CEP57: variants seen among roughly 807,000 people sequenced by gnomAD.
CEP57 encodes centrosomal protein of 57 kDa.
A neutral mutation model predicts 68.0 loss-of-function variants in CEP57; 40 were observed. The observed-to-expected ratio is 0.59, with a 90% CI of 0.46 to 0.77. CEP57 has a LOEUF of 0.77. Ranked by LOEUF, CEP57 falls within the 30% of genes least tolerant of loss-of-function variation. The pLI is 0.00. For synonymous variants in CEP57, 219 were observed against 198.7 expected (o/e 1.10, Z -0.86); for missense variants, 606 against 580.7 (o/e 1.04, Z -0.45).
Position 95,817,819 on chromosome 11 carries a change from AAC to A in CEP57, c.541_542del (p.His181CysfsTer6). ...SLERERQHDQTHVQSQLEKLD... is the reference protein window; with the variant it reads ...SLERERQHDQXHVQSQLEKLD... ...TAGAAAGAGAACGACAACATGATCA[AAC>A]ACATGTTCAGAGCCAACTTGAAAAA... On this transcript the variant is annotated frameshift_variant, in exon 5 of 11. Transcript: ENST00000325542. LOFTEE classifies it high-confidence loss of function. The A allele has an allele frequency of 6.2e-7, 1 of 1,613,822 alleles. No homozygotes were observed. Among genetic ancestry groups the A allele is most frequent in the Non-Finnish European group, 8.5e-7 (1 of 1,179,748 alleles).
At chr11:95,798,958 A>G (rs1861459558) in intron 1 of CEP57, among the ~76,000 whole-genome samples, 1 of 152,208 alleles carries the variant, frequency 6.6e-6, no homozygotes, top group South Asian at 2.1e-4. Context: ...CGGTATTTAC[A>G]TTCATTGTAT....
chr11:95,821,808 T>C, intron 6 of CEP57, 63 bp from the exon 7 acceptor site: 1 of 1,125,472 alleles, frequency 8.9e-7, no homozygotes, highest in Non-Finnish European at 1.3e-6. Flanking sequence ...ACATGACACA[T>C]CTGAAATCTG....
chr11:95,816,022 T>A (rs763348506), intron 4 of CEP57, among the ~76,000 whole-genome samples: 17 of 152,256 alleles, frequency 1.1e-4, no homozygotes, highest in Non-Finnish European at 2.2e-4. Context: ...GCTTTCAAAA[T>A]TGCTGTGTAA....
chr11:95,795,669 A>T (rs1215346612), intron 1 of CEP57: 1 of 444,560 alleles, frequency 2.2e-6, no homozygotes, highest in Non-Finnish European at 4.0e-6. Context: ...ATAAGGAAGT[A>T]AGTTTTTTAA....
At chr11:95,793,455 T>G (rs1861192325) in intron 1 of CEP57, among the ~76,000 whole-genome samples, 1 of 152,228 alleles carries the variant, frequency 6.6e-6, no homozygotes, top group South Asian at 2.1e-4. Flanking sequence ...CCATATTAAT[T>G]TCCCTTAAAA....
chr11:95,828,486 G>A (rs555641819), intron 9 of CEP57, among the ~76,000 whole-genome samples: 87 of 150,602 alleles, frequency 5.8e-4, no homozygotes, highest in African/African-American at 2.1e-3. Flanking sequence ...TAAACATCTA[G>A]GTAGAGTAAA....
chr11:95,825,522 G>A lies in CEP57; in HGVS notation c.886-2264G>A, dbSNP rs552598896. Among the ~76,000 whole-genome samples the A allele has an allele frequency of 4.2e-4, 64 of 151,660 alleles. 1 individual carries two copies. The highest frequency in any genetic ancestry group is 3.4e-3 in the Middle Eastern group (1 of 292). ...ACAAGATGAAGAAGACAACACAGAA[G>A]TAATGTCAGAAAACAAGTTGACATT... On this transcript the variant is annotated intron_variant, in intron 8 of 10. Coordinates refer to ENST00000325542, the MANE Select transcript of CEP57 (RefSeq NM_014679.5).
chr11:95,791,926 A>G (rs1861101272), intron 1 of CEP57, among the ~76,000 whole-genome samples: 2 of 152,052 alleles, frequency 1.3e-5, no homozygotes, highest in African/African-American at 4.8e-5. Context: ...GTGAAAAAAG[A>G]AGGATGGTGA....
In CEP57 at chr11:95,817,808, C is replaced by G; in HGVS notation, c.526C>G (p.Gln176Glu). 1.2e-6 allele frequency: 2 copies of G among 1,613,218 alleles called. No individual in the cohort carries two copies. Among genetic ancestry groups the G allele is most frequent in the South Asian group, 2.2e-5 (2 of 91,052 alleles). The change falls in exon 5 of 11, where the codon CAA becomes GAA. Residue 176 changes from glutamine to glutamate, a missense_variant. Transcript: ENST00000325542. ...EKQVSLERER[Q>E]HDQTHVQSQL... ...TCAGGTTTCCCTAGAAAGAGAACGA[C>G]AACATGATCAAACACATGTTCAGAG...
chr11:95,794,943 T>C (rs1861276761), intron 1 of CEP57, among the ~76,000 whole-genome samples: 1 of 152,198 alleles, frequency 6.6e-6, no homozygotes, highest in African/African-American at 2.4e-5. Flanking sequence ...CTATCCCCAA[T>C]GGTTTGCAAT....
intron 4 of CEP57, among the ~76,000 whole-genome samples, chr11:95,816,245 A>G (rs1305780427): frequency 1.3e-5 from 2 of 152,134 alleles, no homozygotes; most frequent in African/African-American, 4.8e-5. Context: ...GCCCCTATTA[A>G]AACCATCAGA....
Position 95,829,231 on chromosome 11 carries a change from T to C in CEP57, c.1172T>C (p.Val391Ala), listed in dbSNP as rs374317740. The C allele has an allele frequency of 2.5e-5, 40 of 1,613,874 alleles. No individual in the cohort carries two copies. The highest frequency in any genetic ancestry group is 3.2e-5 in the Non-Finnish European group (38 of 1,179,964). ...AAACTTATCCAGGAGTCGCCAACCGTTGAACTGAAAGACAAGTTGGAGTGT... is the reference window on the plus strand; with the variant it reads ...AAACTTATCCAGGAGTCGCCAACCGCTGAACTGAAAGACAAGTTGGAGTGT... ...LAKLIQESPT[V>A]ELKDKLECEL... Residue 391 changes from valine to alanine, a missense_variant, in exon 10 of 11, where the codon GTT (valine) becomes GCT (alanine). By Grantham distance (64) the Val-to-Ala change is moderately conservative. Transcript: ENST00000325542.
intron 9 of CEP57, among the ~76,000 whole-genome samples, chr11:95,828,294 C>T (rs1411127560): frequency 1.3e-5 from 2 of 152,170 alleles, no homozygotes; most frequent in Non-Finnish European, 2.9e-5. Flanking sequence ...AGTCATGCAT[C>T]ACTGAATGAC....
Position 95,801,906 on chromosome 11 carries a change from C to G in CEP57, c.202+2518C>G, listed in dbSNP as rs539772030. Among the ~76,000 whole-genome samples the G allele has an allele frequency of 3.3e-5, 5 of 152,240 alleles. No homozygotes were observed. The South Asian group carries it at 8.3e-4, about 25-fold the overall frequency. On this transcript the variant is annotated intron_variant, in intron 2 of 10. Transcript: ENST00000325542. Reference sequence around the variant, plus strand: ...TGCCTTTAGAGCATGATGCGGTGAACTATTTAAGCAATGTCCCAGGATAAT... The same window carrying G: ...TGCCTTTAGAGCATGATGCGGTGAAGTATTTAAGCAATGTCCCAGGATAAT...
chr11:95,818,808 T>G lies in CEP57; in HGVS notation c.622-19T>G. Reference sequence around the variant, plus strand: ...TTAAGATTTTTCACCTTTATCCCTTTTGACATTTTTATCACTAGAAAAAAA... The same window carrying G: ...TTAAGATTTTTCACCTTTATCCCTTGTGACATTTTTATCACTAGAAAAAAA... On this transcript the variant is annotated intron_variant, in intron 5 of 10. Coordinates refer to ENST00000325542, the MANE Select transcript of CEP57 (RefSeq NM_014679.5). 1 of 1,603,880 alleles carries G rather than the reference T, an allele frequency of 6.2e-7. No individual in the cohort carries two copies.
At chr11:95,825,395 C>T (rs116912291) in intron 8 of CEP57, among the ~76,000 whole-genome samples, 2,598 of 152,140 alleles carry the variant, frequency 0.017, 38 homozygotes, top group South Asian at 0.064. Flanking sequence ...TGAAGGATTT[C>T]AAGATACGAA....
intron 8 of CEP57, chr11:95,823,348 G>C (rs1862592102): frequency 6.6e-6 from 1 of 152,144 alleles, no homozygotes. Flanking sequence ...TCCGAACTCT[G>C]TGTGGGTCTA....
chr11:95,815,234 A>G (rs1277477706), intron 4 of CEP57: 5 of 152,240 alleles, frequency 3.3e-5, no homozygotes, highest in Admixed American at 6.5e-5. Flanking sequence ...TATTTGAGCA[A>G]TCATACAACA....
chr11:95,790,451 C>T (rs1455027142), upstream of CEP57: 1 of 586,710 alleles, frequency 1.7e-6, no homozygotes, highest in Non-Finnish European at 3.0e-6. Flanking sequence ...AGAAAGACGT[C>T]TGCTGTTTTG....
Sources: gnomAD v4.1 joint callset for allele counts (sites outside exome capture counted in the v4.1 genomes callset) on GRCh38, gnomAD v4.1.1 for gene constraint, MANE v1.5 for transcripts, NCBI Gene and HGNC (gene_info 2026-07-23, HGNC 2026-07-21) for gene names.